The following CREB5 variants were observed in gnomAD, a reference collection of about 807,000 sequenced individuals.
CREB5 encodes the protein cyclic AMP-responsive element-binding protein 5.
A neutral mutation model predicts 57.1 loss-of-function variants in CREB5; 19 were observed. The observed-to-expected ratio is 0.33, with a 90% CI of 0.23 to 0.49. The LOEUF is 0.49. Ranked by LOEUF, CREB5 falls within the 20% of genes least tolerant of loss-of-function variation. The pLI is 0.99. For missense variants in CREB5, 579 were observed against 671.6 expected, an observed-to-expected ratio of 0.86 and a Z score of 1.52; for synonymous variants, 238 against 238.3, an observed-to-expected ratio of 1.00 and a Z score of 0.01.
intron 5 of CREB5, among the ~76,000 whole-genome samples, chr7:28,661,518 T>C (rs1470136078): frequency 6.6e-6 from 1 of 151,932 alleles, no homozygotes; most frequent in African/African-American, 2.4e-5. Flanking sequence ...AATCAAAATT[T>C]TCTCAATACA....
chr7:28,783,251 C>T (rs1236236789), intron 7 of CREB5, among the ~76,000 whole-genome samples: 1 of 152,144 alleles, frequency 6.6e-6, no homozygotes, highest in African/African-American at 2.4e-5. Context: ...ACTGATGTGG[C>T]CTTATCAGTG....
At chr7:28,795,927 T>C (rs1292071583) in intron 7 of CREB5, among the ~76,000 whole-genome samples, 1 of 152,032 alleles carries the variant, frequency 6.6e-6, no homozygotes, top group Non-Finnish European at 1.5e-5. Context: ...CTAATTTTTA[T>C]ATTTTTAGTA....
chr7:28,657,793 A>T (rs914206612), intron 5 of CREB5, among the ~76,000 whole-genome samples: 2 of 152,046 alleles, frequency 1.3e-5, no homozygotes, highest in African/African-American at 4.8e-5. Context: ...TTGTAAAAGT[A>T]GTGGAACCAA....
intron 1 of CREB5, among the ~76,000 whole-genome samples, chr7:28,462,329 G>C (rs1374076013): frequency 6.6e-6 from 1 of 152,078 alleles, no homozygotes; most frequent in African/African-American, 2.4e-5. Flanking sequence ...TGGGCATTTG[G>C]GTTATTTCTA....
intron 7 of CREB5, 151 bp downstream of exon 7, chr7:28,724,483 G>A: frequency 3.1e-6 from 2 of 637,258 alleles, no homozygotes; most frequent in Non-Finnish European, 5.5e-6. Flanking sequence ...CTCTTTTTGA[G>A]GATGTTTGTT....
rs1024512177 is a variant in CREB5, at chr7:28,825,364, A to G, written c.*6085A>G. 6.6e-6 allele frequency: 1 copy of G among 152,362 alleles called. No individual in the cohort carries two copies. Among genetic ancestry groups the G allele is most frequent in the African/African-American group, 2.4e-5 (1 of 41,464 alleles). 9.4% of individuals were successfully genotyped at this position (152,362 alleles called of 1,614,324 possible). On this transcript the variant is annotated 3_prime_UTR_variant, in exon 11 of 11. Transcript: ENST00000357727. ...GTCTTGGAGAACAGATAAGCTTGAA[A>G]TGTTCTCTCTAGAGAGGACATAGGG...
intron 5 of CREB5, among the ~76,000 whole-genome samples, chr7:28,633,610 G>T (rs539047853): frequency 1.3e-5 from 2 of 152,170 alleles, no homozygotes; most frequent in African/African-American, 4.8e-5. Context: ...AGCTGAGAAT[G>T]ATGAGTTGTG....
chr7:28,354,764 G>A (rs1238856585), intron 1 of CREB5, among the ~76,000 whole-genome samples: 1 of 152,212 alleles, frequency 6.6e-6, no homozygotes, highest in Non-Finnish European at 1.5e-5. Context: ...TTGGCAAGGG[G>A]TAGCCATGTG....
At chr7:28,714,189 T>C (rs1802553516) in intron 5 of CREB5, among the ~76,000 whole-genome samples, 1 of 152,178 alleles carries the variant, frequency 6.6e-6, no homozygotes, top group Non-Finnish European at 1.5e-5. Flanking sequence ...GGTCTCGAAC[T>C]CCTGGGCTTA....
At position 28,382,137 on chromosome 7, in the gene CREB5, C is replaced by G. The variant is rs77103237; in HGVS notation, c.-25+82696C>G. ...GCCAGGGATCCTGGAGTTCTGACAT[C>G]CAAGAGCAGAAGGAGAAGGGCGACC... is the stretch of plus-strand genomic sequence containing the variant. On this transcript the variant is annotated intron_variant, in intron 1 of 9. Transcript: ENST00000396299. Among the ~76,000 whole-genome samples the G allele has an allele frequency of 1.0e-3, 157 of 152,234 alleles. 2 individuals are homozygous for G. The East Asian group carries it at 0.018, about 18-fold the overall frequency.
At chr7:28,389,504 T>C (rs952134289) in intron 1 of CREB5, among the ~76,000 whole-genome samples, 5 of 152,190 alleles carry the variant, frequency 3.3e-5, no homozygotes, top group Admixed American at 1.3e-4. Context: ...TCCAAATTTT[T>C]CTTCAATTTA....
At chr7:28,642,840 T>C (rs1798709512) in intron 5 of CREB5, among the ~76,000 whole-genome samples, 1 of 152,058 alleles carries the variant, frequency 6.6e-6, no homozygotes, top group Admixed American at 6.6e-5. Flanking sequence ...GCATATGTAA[T>C]AGCTAGCATA....
intron 1 of CREB5, among the ~76,000 whole-genome samples, chr7:28,464,607 G>A (rs1439276231): frequency 6.8e-6 from 1 of 147,902 alleles, no homozygotes; most frequent in African/African-American, 2.5e-5. Flanking sequence ...GTCATTTTTG[G>A]TAGTTTGTAT....
At chr7:28,334,977 G>A (rs139573776) in intron 1 of CREB5, among the ~76,000 whole-genome samples, 7 of 152,196 alleles carry the variant, frequency 4.6e-5, no homozygotes, top group African/African-American at 9.6e-5. Flanking sequence ...CCTATTGTAT[G>A]TTCTTGTCAC....
intron 5 of CREB5, among the ~76,000 whole-genome samples, chr7:28,692,891 A>G (rs1227116793): frequency 1.3e-5 from 2 of 152,366 alleles, no homozygotes; most frequent in East Asian, 3.9e-4. Flanking sequence ...TAGCACTCCA[A>G]AATCCACTCC....
intron 1 of CREB5, among the ~76,000 whole-genome samples, chr7:28,387,617 C>T (rs774062736): frequency 1.5e-4 from 23 of 151,890 alleles, no homozygotes; most frequent in Non-Finnish European, 2.9e-4. Context: ...GAGCAACACA[C>T]GCTGGGGCCT....
rs1002775065 is a variant in CREB5 at position 28,748,044 on chromosome 7, T to G, written c.702+23712T>G. Reference sequence around the variant, plus strand: ...TATTCCAGCTGGGCCTGTGGCCATGTGGCTGGCTGCAGATTTTGCTTTGTT... The same window carrying G: ...TATTCCAGCTGGGCCTGTGGCCATGGGGCTGGCTGCAGATTTTGCTTTGTT... On this transcript the variant is annotated intron_variant, in intron 7 of 10. Coordinates refer to ENST00000357727, the MANE Select transcript of CREB5 (RefSeq NM_182898.4). Among the ~76,000 whole-genome samples the G allele has an allele frequency of 2.0e-5, 3 of 152,244 alleles. No homozygotes were observed. In the East Asian group the frequency reaches 5.8e-4, roughly 29 times the overall value.
chr7:28,535,659 A>G (rs967930155), intron 4 of CREB5, among the ~76,000 whole-genome samples: 2 of 152,090 alleles, frequency 1.3e-5, no homozygotes, highest in African/African-American at 4.8e-5. Flanking sequence ...AGGAAGGAAG[A>G]GAAAAGAGAA....
At chr7:28,690,495 T>C (rs890722694) in intron 5 of CREB5, among the ~76,000 whole-genome samples, 6 of 152,178 alleles carry the variant, frequency 3.9e-5, no homozygotes, top group African/African-American at 1.2e-4. Flanking sequence ...GAAAAGAGCA[T>C]GGCCTTTGGG....
Sources: allele counts gnomAD v4.1 joint callset (sites outside exome capture counted in the v4.1 genomes callset), GRCh38; gene constraint gnomAD v4.1.1; transcripts MANE v1.5; gene names NCBI Gene and HGNC (gene_info 2026-07-23, HGNC 2026-07-21).